Variants in HEATR1 observed in about 807,000 individuals in gnomAD.
HEATR1 encodes the protein HEAT repeat containing 1.
A neutral mutation model predicts 248.2 loss-of-function variants in HEATR1; 77 were observed. The ratio of observed to expected loss-of-function variants is 0.31; its 90% CI spans 0.26 to 0.37. The LOEUF (loss-of-function observed/expected upper bound fraction) is 0.37, where lower values mean the gene tolerates loss of function less well. Ranked by LOEUF, HEATR1 falls within the 10% of genes least tolerant of loss-of-function variation. The pLI is 1.00. For missense variants in HEATR1, 2,420 were observed against 2,504.9 expected (o/e 0.97, Z 0.72); for synonymous variants, 897 against 923.1 (o/e 0.97, Z 0.51).
intron 22 of HEATR1, 76 bp from the exon 23 acceptor site, chr1:236,574,979 A>G (rs1663529322): frequency 1.4e-6 from 2 of 1,394,784 alleles, no homozygotes; most frequent in Non-Finnish European, 9.7e-7. Flanking sequence ...AGACACTCAA[A>G]GCCTGCTGGA....
intron 33 of HEATR1, 65 bp from the exon 34 acceptor site, chr1:236,559,902 AC>A: frequency 6.9e-7 from 1 of 1,456,776 alleles, no homozygotes; most frequent in Non-Finnish European, 9.3e-7. Flanking sequence ...GTTCATGTCT[AC>A]CTTATGCTAA....
At chr1:236,577,254 C>T (rs781255027) in intron 20 of HEATR1, among the ~76,000 whole-genome samples, 6 of 152,074 alleles carry the variant, frequency 3.9e-5, no homozygotes, top group Non-Finnish European at 7.4e-5. Context: ...TGGGTTCAAG[C>T]AATTCTCCTG....
In HEATR1 at chr1:236,556,203, A is replaced by G. The variant is rs754921244; in HGVS notation, c.5411T>C (p.Ile1804Thr). 2 of 1,614,086 alleles carry G rather than the reference A, an allele frequency of 1.2e-6. No homozygotes were observed. Among genetic ancestry groups the G allele is most frequent in the East Asian group, 4.5e-5 (2 of 44,856 alleles). The stretch of plus-strand genomic sequence containing the variant: ...TGTCTTTTTAAGAGATGTGAGACGG[A>G]TATTAGCCTGTGACGCAGAACCCAT... ...SEMGSASQAN[I>T]RLTSLKKTLA... The change falls in exon 38 of 45, where the codon ATC becomes ACC. Residue 1804 changes from isoleucine to threonine, a missense_variant. Transcript: ENST00000366582.
chr1:236,599,677 C>A (rs1274107072), intron 3 of HEATR1, 53 bp from the exon 4 acceptor site: 11 of 1,507,404 alleles, frequency 7.3e-6, no homozygotes, highest in Non-Finnish European at 9.9e-6. Flanking sequence ...ATAATAAGCA[C>A]CTATTTCCTC....
chr1:236,573,081 T>C (rs1046738854), intron 24 of HEATR1, among the ~76,000 whole-genome samples: 1 of 152,126 alleles, frequency 6.6e-6, no homozygotes, highest in South Asian at 2.1e-4. Context: ...AACTTCAGAT[T>C]TTCATTTTAA....
In HEATR1 at chr1:236,586,374, C is replaced by T. The variant is rs879825562; in HGVS notation, c.1794G>A (p.Gln598=). Residue 598 remains glutamine (Q), a synonymous_variant, in exon 15 of 45, where the codon CAG becomes CAA. Transcript: ENST00000366582. Reference sequence around the variant, plus strand: ...TAAATGGCAGCAAACATACAACCACCTGATTTGACAACTGATCATTTTCAC... The same window carrying T: ...TAAATGGCAGCAAACATACAACCACTTGATTTGACAACTGATCATTTTCAC... The part of the protein sequence containing the change: ...ILSENDQLSN[Q]VVVCLLPFMV... The T allele has an allele frequency of 2.7e-5, 43 of 1,613,240 alleles. No individual in the cohort carries two copies. Among genetic ancestry groups the T allele is most frequent in the Non-Finnish European group, 3.6e-5 (42 of 1,179,310 alleles).
intron 32 of HEATR1, 80 bp from the exon 33 acceptor site, chr1:236,561,351 G>C: frequency 1.8e-6 from 2 of 1,110,034 alleles, no homozygotes; most frequent in South Asian, 2.6e-5. Context: ...AATGAAACTC[G>C]GACCATTCAC....
rs1662690653 is a variant in HEATR1, at chr1:236,550,729, T to C, written c.*173A>G. The stretch of plus-strand genomic sequence containing the variant: ...CTCTATACGATAGGCAGGAGAGGCT[T>C]ATGTGGCAGCACAAGCCAGGTGGGG... On this transcript the variant is annotated 3_prime_UTR_variant, in exon 45 of 45. Coordinates refer to ENST00000366582, the MANE Select transcript of HEATR1 (RefSeq NM_018072.6). The C allele has an allele frequency of 5.4e-6, 3 of 554,712 alleles. No individual in the cohort carries two copies. Among genetic ancestry groups the C allele is most frequent in the Admixed American group, 3.6e-5 (1 of 27,934 alleles). The allele number at this position is 554,712 out of a possible 1,614,324, so 34.4% of individuals were successfully genotyped here.
intron 19 of HEATR1, among the ~76,000 whole-genome samples, chr1:236,582,249 A>G (rs1353108536): frequency 6.7e-6 from 1 of 150,112 alleles, no homozygotes; most frequent in African/African-American, 2.5e-5. Context: ...GGACTTCAGG[A>G]GCCCGCCACC....
intron 36 of HEATR1, among the ~76,000 whole-genome samples, chr1:236,557,672 C>T (rs1572032499): frequency 6.6e-6 from 1 of 152,216 alleles, no homozygotes; most frequent in Non-Finnish European, 1.5e-5. Flanking sequence ...GTTTTATAGA[C>T]AGCAAAGCTC....
At chr1:236,597,255 AAT>A (rs1491357564) in intron 5 of HEATR1, among the ~76,000 whole-genome samples, 21 of 82,266 alleles carry the variant, frequency 2.6e-4, no homozygotes, top group Admixed American at 1.5e-3. Flanking sequence ...TTTAAAAAAA[AAT>A]TTTTTTTTTT....
intron 12 of HEATR1, 91 bp from the exon 13 acceptor site, chr1:236,588,134 A>C: frequency 1.1e-6 from 1 of 895,752 alleles, no homozygotes; most frequent in East Asian, 2.6e-5. Flanking sequence ...TGTGAAAAAC[A>C]CTCCAGAATG....
chr1:236,583,116 C>T lies in HEATR1; in HGVS notation c.2322G>A (p.Glu774=), dbSNP rs760498254. The change falls in exon 18 of 45, where the codon GAG becomes GAA. Residue 774 remains glutamate, a synonymous_variant. Transcript: ENST00000366582. The part of the protein sequence containing the change: ...PVELWAHYVE[E]LNSTQRVAVE... ...CGGCCACCCTCTGAGTGCTGTTGAG[C>T]TCTTCTACATAATGTGCCCACAGCT... 5.6e-6 allele frequency: 9 copies of T among 1,613,944 alleles called. No individual in the cohort carries two copies. The South Asian group carries it at 6.6e-5, about 12-fold the overall frequency.
Position 236,582,767 on chromosome 1 carries a change from T to C in HEATR1, c.2531A>G (p.His844Arg), listed in dbSNP as rs1322112633. 5.6e-6 allele frequency: 9 copies of C among 1,614,020 alleles called. No homozygotes were observed. In the Middle Eastern group the frequency reaches 8.2e-4, roughly 147 times the overall value. Residue 844 changes from histidine (H) to arginine (R), a missense_variant, in exon 19 of 45, where the codon CAT becomes CGT. By Grantham distance (29) the His-to-Arg change is conservative (BLOSUM62 0). Coordinates refer to ENST00000366582, the MANE Select transcript of HEATR1 (RefSeq NM_018072.6). Reference protein sequence around the residue: ...EMMLNGADAVHFRVLMKLFIK... With the variant: ...EMMLNGADAVRFRVLMKLFIK... Reference sequence around the variant, plus strand: ...GAAAAGTTTCATCAGAACTCTGAAATGAACAGCATCGGCACCATTGAGCAT... The same window carrying C: ...GAAAAGTTTCATCAGAACTCTGAAACGAACAGCATCGGCACCATTGAGCAT...
intron 37 of HEATR1, 34 bp downstream of exon 37, chr1:236,557,161 C>T: frequency 6.2e-7 from 1 of 1,605,474 alleles, no homozygotes; most frequent in Non-Finnish European, 8.5e-7. Flanking sequence ...TCCCCAGCCA[C>T]CCTGCGTAGC....
Position 236,595,830 on chromosome 1 carries a change from T to C in HEATR1, c.956+3A>G. 2 of 1,610,748 alleles carry C rather than the reference T, an allele frequency of 1.2e-6. No individual in the cohort carries two copies. The highest frequency in any genetic ancestry group is 2.2e-5 in the South Asian group (2 of 90,914). On this transcript the variant is annotated splice_donor_region_variant and intron_variant, in intron 7 of 44. Transcript: ENST00000366582. ...CACCATTTCTCAATTCAATTGTACA[T>C]ACTTTTTCCCAAGGCTCTCTGGCTT...
At chr1:236,573,391 G>A (rs1663482212) in intron 24 of HEATR1, among the ~76,000 whole-genome samples, 1 of 152,076 alleles carries the variant, frequency 6.6e-6, no homozygotes, top group African/African-American at 2.4e-5. Context: ...ATATGGGGTG[G>A]GATCCAGATA....
chr1:236,581,259 T>C lies in HEATR1; in HGVS notation c.2718A>G (p.Thr906=), dbSNP rs758736583. 2 of 1,613,842 alleles carry C rather than the reference T, an allele frequency of 1.2e-6. No individual in the cohort carries two copies. Among genetic ancestry groups the C allele is most frequent in the African/African-American group, 2.7e-5 (2 of 74,920 alleles). ...TGGATGCCAGTTGGTGTTTACACTG[T>C]GTCTTCTGAGAAGAAAGCATTGCAC... The part of the protein sequence containing the change: ...VGCAMLSSQK[T]QCKHQLASIS... The change falls in exon 20 of 45, where the codon ACA becomes ACG. Residue 906 remains threonine (T), a synonymous_variant. Transcript: ENST00000366582.
chr1:236,587,357 G>A, intron 14 of HEATR1, 45 bp downstream of exon 14: 1 of 875,906 alleles, frequency 1.1e-6, no homozygotes, highest in South Asian at 2.5e-5. Context: ...CTTGATATAA[G>A]AACTTCATCA....
Sources: gnomAD v4.1 joint callset for allele counts (sites outside exome capture counted in the v4.1 genomes callset) on GRCh38, gnomAD v4.1.1 for gene constraint, MANE v1.5 for transcripts, NCBI Gene and HGNC (gene_info 2026-07-23, HGNC 2026-07-21) for gene names.